Variants in RYR2 observed in about 807,000 individuals in gnomAD.
The protein encoded by RYR2 is ryanodine receptor 2, also known as cardiac muscle ryanodine receptor-calcium release channel.
In RYR2, 227 loss-of-function variants were observed where a neutral mutation model predicts 601.1. The ratio of observed to expected loss-of-function variants is 0.38; its 90% CI spans 0.34 to 0.42. RYR2 has a LOEUF of 0.42. Ranked by LOEUF, RYR2 falls within the 10% of genes least tolerant of loss-of-function variation. The probability of loss-of-function intolerance (pLI) is 1.00; values close to 1 mark genes in which losing one functional copy is unlikely to be tolerated. For synonymous variants in RYR2, 2,223 were observed against 2,175.1 expected, an observed-to-expected ratio of 1.02 and a Z score of -0.61; for missense variants, 4,646 against 6,156.5, an observed-to-expected ratio of 0.75 and a Z score of 8.21.
At position 237,454,551 on chromosome 1, in the gene RYR2, C is replaced by T. The variant is rs766420655; in HGVS notation, c.1453C>T (p.Arg485Trp). The change falls in exon 15 of 105, where the codon CGG becomes TGG. Residue 485 changes from arginine (R) to tryptophan (W), a missense_variant. Transcript: ENST00000366574. ...KQNRLRALKN[R>W]QNLFQEEGMI... is the part of the protein sequence containing the mutation. ...GAACAGACTACGAGCCCTGAAGAATCGGCAAAATCTCTTCCAGGAAGAGGT... is the reference window on the plus strand; with the variant it reads ...GAACAGACTACGAGCCCTGAAGAATTGGCAAAATCTCTTCCAGGAAGAGGT... 9.9e-6 allele frequency: 16 copies of T among 1,613,084 alleles called. No individual in the cohort carries two copies. Among genetic ancestry groups the T allele is most frequent in the South Asian group, 5.5e-5 (5 of 91,048 alleles).
At chr1:237,582,473 G>T (rs944249710) in intron 29 of RYR2, among the ~76,000 whole-genome samples, 1 of 151,760 alleles carries the variant, frequency 6.6e-6, no homozygotes. Flanking sequence ...TATATGTTCA[G>T]GTTTGTTGCC....
chr1:237,394,707 C>T (rs4659787), intron 10 of RYR2, among the ~76,000 whole-genome samples: 122,764 of 152,224 alleles, frequency 0.81, 50,188 homozygotes, highest in East Asian at 0.99. Context: ...GCCCAGACAT[C>T]TTTGGCATGT....
Position 237,416,759 on chromosome 1 carries a change from C to CAGAGAGAGAG in RYR2, c.774-289_774-288insGAGAGAGAGA, listed in dbSNP as rs5781955. Among the ~76,000 whole-genome samples, 268 of 139,010 alleles carry CAGAGAGAGAG rather than the reference C, an allele frequency of 1.9e-3. 2 individuals are homozygous for CAGAGAGAGAG. Among genetic ancestry groups the CAGAGAGAGAG allele is most frequent in the African/African-American group, 7.2e-3 (258 of 35,860 alleles). 91.2% of individuals were successfully genotyped at this position (139,010 alleles called of 152,430 possible). Reference sequence around the variant, plus strand: ...GGAGGGATGGGAAGAAACACACACACACACAGAGAGAGAGAGAGAGAGAGA... The same window carrying CAGAGAGAGAG: ...GGAGGGATGGGAAGAAACACACACACAGAGAGAGAGACACAGAGAGAGAGAGAGAGAGAGA... On this transcript the variant is annotated intron_variant, in intron 10 of 104. Transcript: ENST00000366574.
chr1:237,551,682 A>G (rs1240011193), intron 27 of RYR2, among the ~76,000 whole-genome samples: 1 of 152,320 alleles, frequency 6.6e-6, no homozygotes, highest in East Asian at 1.9e-4. Flanking sequence ...ATAATTTTTG[A>G]TGGAAAGTTT....
intron 1 of RYR2, among the ~76,000 whole-genome samples, chr1:237,054,789 A>G (rs1661768653): frequency 6.6e-6 from 1 of 152,198 alleles, no homozygotes; most frequent in East Asian, 1.9e-4. Flanking sequence ...TGCCTCCTAA[A>G]GTAAAAGTGA....
At chr1:237,568,767 T>C (rs1237704430) in intron 28 of RYR2, among the ~76,000 whole-genome samples, 1 of 152,070 alleles carries the variant, frequency 6.6e-6, no homozygotes, top group Non-Finnish European at 1.5e-5. Context: ...TTTGTGGGAG[T>C]AGAGAAAAAC....
At chr1:237,657,878 A>AT in intron 53 of RYR2, 66 bp from the exon 54 acceptor site, 2 of 866,574 alleles carry the variant, frequency 2.3e-6, no homozygotes, top group South Asian at 3.4e-5. Context: ...CTGTGAGTAA[A>AT]TTATTAATAT....
intron 16 of RYR2, among the ~76,000 whole-genome samples, chr1:237,460,169 C>G (rs969200996): frequency 2.0e-5 from 3 of 152,202 alleles, no homozygotes; most frequent in Admixed American, 6.5e-5. Context: ...GCTCCTAGTA[C>G]TGCATACTTT....
At chr1:237,089,030 A>T (rs191888467) in intron 1 of RYR2, among the ~76,000 whole-genome samples, 6 of 152,348 alleles carry the variant, frequency 3.9e-5, no homozygotes, top group African/African-American at 1.4e-4. Context: ...TCTCATTCTT[A>T]GATTAAAAAT....
At chr1:237,350,588 AAAAAAAAAAAAAAAATATATATATAT>A (rs1163092408) in intron 3 of RYR2, among the ~76,000 whole-genome samples, 1 of 95,450 alleles carries the variant, frequency 1.0e-5, no homozygotes, top group African/African-American at 4.6e-5. Context: ...AAAAAAAAAA[AAAAAAAAAAAAAAAATATATATATAT>A]ATATATATAT....
At chr1:237,235,773 T>C (rs1685494740) in intron 1 of RYR2, among the ~76,000 whole-genome samples, 1 of 152,250 alleles carries the variant, frequency 6.6e-6, no homozygotes, top group African/African-American at 2.4e-5. Context: ...CCTCATCCTT[T>C]AAGGCTAGGA....
chr1:237,601,895 C>T, intron 34 of RYR2, 130 bp from the exon 35 acceptor site: 1 of 664,192 alleles, frequency 1.5e-6, no homozygotes. Context: ...AGGAGCACAT[C>T]AATCGATATG....
chr1:237,258,755 T>C (rs1173343916), intron 1 of RYR2, among the ~76,000 whole-genome samples: 25 of 152,198 alleles, frequency 1.6e-4, no homozygotes, highest in Admixed American at 1.6e-3. Flanking sequence ...ATCAGTTGGT[T>C]GACAACAGAC....
In RYR2 at chr1:237,387,277, A is replaced by G; in HGVS notation, c.577-4A>G. The G allele has an allele frequency of 6.2e-7, 1 of 1,613,872 alleles. No homozygotes were observed. Among genetic ancestry groups the G allele is most frequent in the Non-Finnish European group, 8.5e-7 (1 of 1,179,762 alleles). On this transcript the variant is annotated splice_polypyrimidine_tract_variant and splice_region_variant and intron_variant, in intron 8 of 104. Coordinates refer to ENST00000366574, the MANE Select transcript of RYR2 (RefSeq NM_001035.3). ...GTGATGCCTCCTTTTGCCTCTTGAT[A>G]CAGCACTTGTCTTATGGCAACGGCA... is the stretch of plus-strand genomic sequence containing the variant.
intron 1 of RYR2, among the ~76,000 whole-genome samples, chr1:237,198,903 A>T (rs1164146407): frequency 6.6e-6 from 1 of 152,054 alleles, no homozygotes; most frequent in African/African-American, 2.4e-5. Context: ...AAGATTTTCA[A>T]CAACTTGAAA....
At chr1:237,756,452 C>A in intron 81 of RYR2, 65 bp downstream of exon 81, 1 of 1,058,424 alleles carries the variant, frequency 9.4e-7, no homozygotes, top group Non-Finnish European at 1.4e-6. Context: ...CTCTCAAGGT[C>A]CTCCCTCATT....
At chr1:237,612,198 G>A (rs114332980) in intron 36 of RYR2, among the ~76,000 whole-genome samples, 2,674 of 152,238 alleles carry the variant, frequency 0.018, 32 homozygotes, top group Non-Finnish European at 0.027. Context: ...TCCTACTAGT[G>A]TGGGATTTTA....
At chr1:237,296,820 G>A (rs1219928627) in intron 2 of RYR2, among the ~76,000 whole-genome samples, 3 of 152,152 alleles carry the variant, frequency 2.0e-5, no homozygotes, top group South Asian at 2.1e-4. Flanking sequence ...GACCTGCAAA[G>A]CAGACACTTT....
chr1:237,340,344 T>G (rs1276913303), intron 3 of RYR2, among the ~76,000 whole-genome samples: 1 of 152,182 alleles, frequency 6.6e-6, no homozygotes, highest in Non-Finnish European at 1.5e-5. Context: ...GGGACAGGTA[T>G]GAATAACAAT....
Sources: allele counts gnomAD v4.1 joint callset (sites outside exome capture counted in the v4.1 genomes callset), GRCh38; gene constraint gnomAD v4.1.1; transcripts MANE v1.5; gene names NCBI Gene and HGNC (gene_info 2026-07-23, HGNC 2026-07-21).